The following RBFOX1 variants were observed in gnomAD, a reference collection of about 807,000 sequenced individuals.
RBFOX1 encodes RNA binding protein fox-1 homolog 1.
In RBFOX1, 8 loss-of-function variants were observed where a neutral mutation model predicts 57.7. The ratio of observed to expected loss-of-function variants is 0.14; its 90% CI spans 0.08 to 0.25. RBFOX1 has a LOEUF of 0.25. Ranked by LOEUF, RBFOX1 falls within the 10% of genes least tolerant of loss-of-function variation. The probability of loss-of-function intolerance (pLI) is 1.00; values close to 1 mark genes in which losing one functional copy is unlikely to be tolerated. For synonymous variants in RBFOX1, 326 were observed against 222.4 expected (o/e 1.47, Z -4.15); for missense variants, 611 against 548.5 (o/e 1.11, Z -1.14).
At chr16:6,105,575 C>T (rs1288448262) in intron 1 of RBFOX1, among the ~76,000 whole-genome samples, 3 of 151,980 alleles carry the variant, frequency 2.0e-5, no homozygotes, top group Middle Eastern at 3.2e-3. Flanking sequence ...GTCTCCTAAA[C>T]TTCTATGGTT....
At chr16:6,737,845 C>G (rs932653839) in intron 3 of RBFOX1, among the ~76,000 whole-genome samples, 3 of 152,062 alleles carry the variant, frequency 2.0e-5, no homozygotes, top group Non-Finnish European at 2.9e-5. Flanking sequence ...ACATTGCAGA[C>G]TTTTCCTAAA....
intron 4 of RBFOX1, among the ~76,000 whole-genome samples, chr16:7,299,983 G>A (rs1448412777): frequency 6.6e-6 from 1 of 152,228 alleles, no homozygotes; most frequent in African/African-American, 2.4e-5. Flanking sequence ...TTAAACAAAT[G>A]TGAGGCTTAT....
intron 3 of RBFOX1, among the ~76,000 whole-genome samples, chr16:6,748,610 A>T (rs908911521): frequency 2.0e-5 from 3 of 152,154 alleles, no homozygotes; most frequent in African/African-American, 7.2e-5. Context: ...TGTGAGTTAT[A>T]ATTACACCAC....
At chr16:6,336,881 G>A (rs543486663) in intron 2 of RBFOX1, among the ~76,000 whole-genome samples, 13 of 152,178 alleles carry the variant, frequency 8.5e-5, no homozygotes, top group Non-Finnish European at 1.6e-4. Flanking sequence ...CATTTAAAAA[G>A]AGCCTAGTCA....
chr16:6,917,844 C>G (rs2073569845), intron 3 of RBFOX1, among the ~76,000 whole-genome samples: 3 of 152,154 alleles, frequency 2.0e-5, no homozygotes, highest in African/African-American at 4.8e-5. Flanking sequence ...AGACATCATC[C>G]TTTGTCAGAA....
intron 4 of RBFOX1, among the ~76,000 whole-genome samples, chr16:7,285,516 T>G (rs1185103015): frequency 6.6e-6 from 1 of 152,070 alleles, no homozygotes; most frequent in African/African-American, 2.4e-5. Context: ...ACTGGATCCC[T>G]TCTGTTTTTC....
chr16:6,261,438 G>T (rs2097700865), intron 1 of RBFOX1, among the ~76,000 whole-genome samples: 1 of 152,180 alleles, frequency 6.6e-6, no homozygotes, highest in South Asian at 2.1e-4. Flanking sequence ...CCAGATGTCA[G>T]ATGATGAGTG....
intron 1 of RBFOX1, among the ~76,000 whole-genome samples, chr16:6,306,228 C>T (rs2079500945): frequency 6.6e-6 from 1 of 152,042 alleles, no homozygotes; most frequent in South Asian, 2.1e-4. Flanking sequence ...GGGAACCTGT[C>T]CTAGATTTGC....
chr16:6,557,098 TATAC>T (rs1023427493), intron 2 of RBFOX1, among the ~76,000 whole-genome samples: 35 of 145,434 alleles, frequency 2.4e-4, no homozygotes, highest in South Asian at 8.4e-4. Context: ...CATATACATA[TATAC>T]ATACATATAT....
intron 3 of RBFOX1, among the ~76,000 whole-genome samples, chr16:6,767,926 T>C (rs1356629567): frequency 1.3e-5 from 1 of 76,418 alleles, no homozygotes; most frequent in South Asian, 5.0e-4. Context: ...ATAATAATAA[T>C]AATAATAATA....
At chr16:5,739,195 C>A (rs2052687340) in intron 3 of RBFOX1, among the ~76,000 whole-genome samples, 1 of 152,186 alleles carries the variant, frequency 6.6e-6, no homozygotes, top group South Asian at 2.1e-4. Flanking sequence ...GATAATTATT[C>A]AGGCAAGGAA....
At chr16:7,203,938 A>G (rs74614717) in intron 4 of RBFOX1, among the ~76,000 whole-genome samples, 6 of 152,252 alleles carry the variant, frequency 3.9e-5, no homozygotes, top group Non-Finnish European at 8.8e-5. Flanking sequence ...TATGATTTGC[A>G]TCTGCTTTAC....
At chr16:5,849,141 G>C (rs2056828473) in intron 3 of RBFOX1, among the ~76,000 whole-genome samples, 1 of 152,062 alleles carries the variant, frequency 6.6e-6, no homozygotes, top group African/African-American at 2.4e-5. Flanking sequence ...GTTGGGGTCA[G>C]AGATAAGGTT....
intron 4 of RBFOX1, among the ~76,000 whole-genome samples, chr16:7,170,372 A>G (rs1034651922): frequency 6.6e-6 from 1 of 151,982 alleles, no homozygotes; most frequent in African/African-American, 2.4e-5. Context: ...CCTGGGTGCA[A>G]GTGATACTCT....
chr16:7,546,001 G>T (rs1171111600), intron 5 of RBFOX1, among the ~76,000 whole-genome samples: 1 of 135,924 alleles, frequency 7.4e-6, no homozygotes, highest in African/African-American at 2.8e-5. Context: ...ATTATTCTGT[G>T]ACTCTGAGCT....
In RBFOX1 at chr16:7,700,162, G is replaced by GCTCT. The variant is rs557400717; in HGVS notation, c.996-8893_996-8890dup. On this transcript the variant is annotated intron_variant, in intron 14 of 15. Transcript: ENST00000550418. ...GGATCATCAATCCAATTCAGGGGTAGCTCTGACACATGTACCCCTGGGGCT... is the reference window on the plus strand; with the variant it reads ...GGATCATCAATCCAATTCAGGGGTAGCTCTCTCTGACACATGTACCCCTGGGGCT... 4.7e-3 allele frequency among the ~76,000 whole-genome samples: 709 copies of GCTCT among 152,182 alleles called. 6 individuals are homozygous for GCTCT. Among genetic ancestry groups the GCTCT allele is most frequent in the Middle Eastern group, 0.014 (4 of 294 alleles).
chr16:7,469,937 C>T (rs73500343), intron 4 of RBFOX1, among the ~76,000 whole-genome samples: 6,325 of 151,650 alleles, frequency 0.042, 426 homozygotes, highest in African/African-American at 0.14. Context: ...CATTATTTGT[C>T]TTTTTGTGAC....
chr16:7,437,448 G>A (rs761637150), intron 4 of RBFOX1, among the ~76,000 whole-genome samples: 8 of 152,046 alleles, frequency 5.3e-5, no homozygotes, highest in Non-Finnish European at 8.8e-5. Context: ...GGACACTGTT[G>A]GCGCGTTATT....
At chr16:7,344,239 G>A (rs1208631594) in intron 4 of RBFOX1, among the ~76,000 whole-genome samples, 1 of 147,760 alleles carries the variant, frequency 6.8e-6, no homozygotes, top group East Asian at 2.0e-4. Flanking sequence ...TAATACCAAA[G>A]TCATTTCTGA....
Sources: allele counts gnomAD v4.1 joint callset (sites outside exome capture counted in the v4.1 genomes callset), GRCh38; gene constraint gnomAD v4.1.1; transcripts MANE v1.5; gene names NCBI Gene and HGNC (gene_info 2026-07-23, HGNC 2026-07-21).